The following NSUN3 variants were observed in gnomAD, a reference collection of about 807,000 sequenced individuals.
NSUN3 encodes NOP2/Sun RNA methyltransferase 3.
Under a neutral mutation model 36.8 loss-of-function variants are expected in NSUN3, and 24 were observed. The observed-to-expected ratio is 0.65, with a 90% confidence interval of 0.47 to 0.92. The LOEUF is 0.92. NSUN3 is among the 40% of genes least tolerant of loss of function. NSUN3 has a pLI of 0.00. For missense variants in NSUN3, 381 were observed against 392.8 expected (o/e 0.97, Z 0.25); for synonymous variants, 146 against 145.2 (o/e 1.01, Z -0.04).
intron 5 of NSUN3, among the ~76,000 whole-genome samples, chr3:94,109,943 T>C (rs2077409014): frequency 6.6e-6 from 1 of 152,204 alleles, no homozygotes; most frequent in Non-Finnish European, 1.5e-5. Context: ...CTTTTTACCA[T>C]AGATTAGTTT....
intron 2 of NSUN3, among the ~76,000 whole-genome samples, chr3:94,079,872 T>A (rs1458603899): frequency 6.6e-6 from 1 of 152,118 alleles, no homozygotes; most frequent in Non-Finnish European, 1.5e-5. Flanking sequence ...TGGGTTAGAA[T>A]ATGCTCCTTT....
chr3:94,113,783 A>G (rs534668286), intron 5 of NSUN3, among the ~76,000 whole-genome samples: 1 of 152,364 alleles, frequency 6.6e-6, no homozygotes, highest in African/African-American at 2.4e-5. Context: ...GTATTGTTAA[A>G]TGAATTACCA....
In NSUN3 at chr3:94,075,875, G is replaced by A. The variant is rs192889776; in HGVS notation, c.123-8232G>A. ...CTCTCAGGGTTGAGAAGAAAAAAAG[G>A]GGAGTCTAAAATCACAAGAAGTAAA... On this transcript the variant is annotated intron_variant, in intron 2 of 5. Coordinates refer to ENST00000314622, the MANE Select transcript of NSUN3 (RefSeq NM_022072.5). 2.0e-5 allele frequency: 24 copies of A among 1,227,668 alleles called. No individual in the cohort carries two copies. The African/African-American group carries it at 3.3e-4, about 17-fold the overall frequency. 76.0% of individuals were successfully genotyped at this position (1,227,668 alleles called of 1,614,324 possible).
chr3:94,087,889 G>A (rs954181218), intron 3 of NSUN3, among the ~76,000 whole-genome samples: 2 of 152,044 alleles, frequency 1.3e-5, no homozygotes, highest in African/African-American at 2.4e-5. Context: ...GGCTGGCCTC[G>A]AACTCCTGGG....
Position 94,131,743 on chromosome 3 carries a change from G to T in NSUN3, c.*5253G>T, listed in dbSNP as rs2077508943. Among the ~76,000 whole-genome samples, 1 of 152,160 alleles carries T rather than the reference G, an allele frequency of 6.6e-6. No homozygotes were observed. Among genetic ancestry groups the T allele is most frequent in the Non-Finnish European group, 1.5e-5 (1 of 68,034 alleles). On this transcript the variant is annotated 3_prime_UTR_variant, in exon 6 of 6. Transcript: ENST00000314622. ...AAATAGCTTTATAAAAATTTAGGTTGCTTACCAACACATTAACTTCTCCCT... is the reference window on the plus strand; with the variant it reads ...AAATAGCTTTATAAAAATTTAGGTTTCTTACCAACACATTAACTTCTCCCT...
chr3:94,115,434 A>G (rs1484494518), intron 5 of NSUN3, among the ~76,000 whole-genome samples: 1 of 152,198 alleles, frequency 6.6e-6, no homozygotes, highest in Non-Finnish European at 1.5e-5. Context: ...AAGGGACATG[A>G]ATAAAGATGA....
chr3:94,094,535 A>G (rs1171789083), intron 4 of NSUN3, among the ~76,000 whole-genome samples: 8 of 152,198 alleles, frequency 5.3e-5, no homozygotes, highest in African/African-American at 1.9e-4. Context: ...GGTAACTCAA[A>G]GATACTCAGG....
Position 94,102,202 on chromosome 3 carries a change from TA to T in NSUN3, c.743+7071del, listed in dbSNP as rs5850923. ...AAGAATTGTGTTTTGAAAGAAACGTTAAAAAAAAAAAAAAAAAAAAAAACAC... is the reference window on the plus strand; with the variant it reads ...AAGAATTGTGTTTTGAAAGAAACGTTAAAAAAAAAAAAAAAAAAAAAACAC... On this transcript the variant is annotated intron_variant, in intron 5 of 5. Transcript: ENST00000314622. Among the ~76,000 whole-genome samples the T allele has an allele frequency of 6.7e-3, 683 of 101,570 alleles. 2 individuals are homozygous for T. The highest frequency in any genetic ancestry group is 0.034 in the South Asian group (95 of 2,834). 66.6% of individuals were successfully genotyped at this position (101,570 alleles called of 152,430 possible).
At chr3:94,080,209 T>G (rs1008338410) in intron 2 of NSUN3, among the ~76,000 whole-genome samples, 2 of 152,166 alleles carry the variant, frequency 1.3e-5, no homozygotes, top group African/African-American at 4.8e-5. Context: ...GGAGGTCCAC[T>G]CCAGACCTTG....
At chr3:94,066,478 T>C (rs945727802) in intron 2 of NSUN3, among the ~76,000 whole-genome samples, 10 of 152,248 alleles carry the variant, frequency 6.6e-5, no homozygotes, top group Non-Finnish European at 1.2e-4. Context: ...TTGGCCTATT[T>C]AGAAAGTAAT....
At chr3:94,101,137 G>A (rs1395829682) in intron 5 of NSUN3, among the ~76,000 whole-genome samples, 1 of 151,964 alleles carries the variant, frequency 6.6e-6, no homozygotes, top group Non-Finnish European at 1.5e-5. Flanking sequence ...TACTACAGAT[G>A]CATGCTACCA....
At position 94,129,476 on chromosome 3, in the gene NSUN3, C is replaced by T. The variant is rs75444456; in HGVS notation, c.*2986C>T. On this transcript the variant is annotated 3_prime_UTR_variant, in exon 6 of 6. Coordinates refer to ENST00000314622, the MANE Select transcript of NSUN3 (RefSeq NM_022072.5). Reference sequence around the variant, plus strand: ...CACATGGACATAAAGGAACAATAGACACTGGTGACTACTAGAGTGGGGAGG... The same window carrying T: ...CACATGGACATAAAGGAACAATAGATACTGGTGACTACTAGAGTGGGGAGG... Among the ~76,000 whole-genome samples, 772 of 152,066 alleles carry T rather than the reference C, an allele frequency of 5.1e-3. 7 individuals are homozygous for T. The highest frequency in any genetic ancestry group is 0.017 in the African/African-American group (703 of 41,470).
At position 94,076,551 on chromosome 3, in the gene NSUN3, C is replaced by T. The variant is rs558803613; in HGVS notation, c.123-7556C>T. ...TCCACCACATTTCCCTCCTTTGGAACAGCACTGATGTCCCACGGGTAGATG... is the reference window on the plus strand; with the variant it reads ...TCCACCACATTTCCCTCCTTTGGAATAGCACTGATGTCCCACGGGTAGATG... On this transcript the variant is annotated intron_variant, in intron 2 of 5. Transcript: ENST00000314622. The T allele has an allele frequency of 3.7e-6, 3 of 810,432 alleles. No individual in the cohort carries two copies. In the East Asian group the frequency reaches 7.3e-5, roughly 20 times the overall value. 50.2% of individuals were successfully genotyped at this position (810,432 alleles called of 1,614,324 possible). A position where few individuals can be genotyped will look rare whatever the true frequency, so the allele number is the denominator to read the frequency against.
intron 2 of NSUN3, among the ~76,000 whole-genome samples, chr3:94,073,515 T>C (rs981383933): frequency 8.5e-5 from 13 of 152,236 alleles, no homozygotes; most frequent in African/African-American, 2.9e-4. Flanking sequence ...TGAGATGGTA[T>C]TTCATTGTGG....
intron 5 of NSUN3, among the ~76,000 whole-genome samples, chr3:94,113,574 A>G (rs2077427230): frequency 6.6e-6 from 1 of 152,206 alleles, no homozygotes; most frequent in South Asian, 2.1e-4. Flanking sequence ...GAAATAGAAG[A>G]TGAACAAAGA....
intron 2 of NSUN3, among the ~76,000 whole-genome samples, chr3:94,069,589 T>G (rs1358023945): frequency 6.6e-6 from 1 of 152,078 alleles, no homozygotes; most frequent in Non-Finnish European, 1.5e-5. Flanking sequence ...GAGAGTAGAG[T>G]AGTAGGAAAA....
At chr3:94,099,498 T>C (rs553984127) in intron 5 of NSUN3, among the ~76,000 whole-genome samples, 71 of 152,310 alleles carry the variant, frequency 4.7e-4, no homozygotes, top group African/African-American at 1.4e-3. Flanking sequence ...TCATATGAGA[T>C]TGGGAAAGGC....
intron 2 of NSUN3, among the ~76,000 whole-genome samples, chr3:94,081,071 G>A (rs999204562): frequency 6.6e-6 from 1 of 152,190 alleles, no homozygotes; most frequent in African/African-American, 2.4e-5. Flanking sequence ...TGGCCTGCAG[G>A]TTGCATAGAC....
At chr3:94,105,227 A>G (rs548888701) in intron 5 of NSUN3, among the ~76,000 whole-genome samples, 1 of 152,202 alleles carries the variant, frequency 6.6e-6, no homozygotes, top group African/African-American at 2.4e-5. Flanking sequence ...CCTCCCCCGA[A>G]TCTTCTTTCT....
Sources: gnomAD v4.1 joint callset for allele counts (sites outside exome capture counted in the v4.1 genomes callset) on GRCh38, gnomAD v4.1.1 for gene constraint, MANE v1.5 for transcripts, NCBI Gene and HGNC (gene_info 2026-07-23, HGNC 2026-07-21) for gene names.